Variants in SLC52A1 observed in about 807,000 individuals in gnomAD.
SLC52A1 encodes solute carrier family 52, riboflavin transporter, member 1.
Under a neutral mutation model 23.2 loss-of-function variants are expected in SLC52A1, and 20 were observed. That is an observed-to-expected ratio of 0.86 (90% confidence interval 0.61 to 1.25). The LOEUF (loss-of-function observed/expected upper bound fraction) is 1.25. Among genes scored for constraint, SLC52A1 ranks in the 50% most tolerant of loss-of-function variants. SLC52A1 has a pLI of 0.00. For missense variants in SLC52A1, 528 were observed against 557.0 expected, an observed-to-expected ratio of 0.95 and a Z score of 0.52; for synonymous variants, 260 against 256.6, an observed-to-expected ratio of 1.01 and a Z score of -0.13.
chr17:5,036,298 G>C (rs1367709592), upstream of SLC52A1, among the ~76,000 whole-genome samples: 1 of 149,848 alleles, frequency 6.7e-6, no homozygotes, highest in Non-Finnish European at 1.5e-5. Flanking sequence ...CCAAAGTGTT[G>C]GGGATTACAG....
upstream of SLC52A1, among the ~76,000 whole-genome samples, chr17:5,038,505 A>G (rs1292777636): frequency 6.6e-6 from 1 of 152,160 alleles, no homozygotes; most frequent in Non-Finnish European, 1.5e-5. Flanking sequence ...ATGGGGTCAC[A>G]TTTAGTTTCC....
Position 5,033,954 on chromosome 17 carries a change from C to T in SLC52A1, c.535G>A (p.Gly179Ser). The T allele has an allele frequency of 6.2e-7, 1 of 1,614,118 alleles. No homozygotes were observed. The highest frequency in any genetic ancestry group is 1.1e-5 in the South Asian group (1 of 91,086). The stretch of plus-strand genomic sequence containing the variant: ...AAGTCGAGGGGAGGCCCAGAGGTGC[C>T]ATTGGTGGGCGCTGGTGGGCACTCG... ...RLECPPAPTN[G>S]TSGPPLDFPE... Residue 179 changes from glycine to serine, a missense_variant, in exon 3 of 5, where the codon GGC becomes AGC. Coordinates refer to ENST00000254853, the MANE Select transcript of SLC52A1 (RefSeq NM_017986.4).
chr17:5,033,330 G>A lies in SLC52A1; in HGVS notation c.1065C>T (p.Tyr355=). The A allele has an allele frequency of 1.2e-6, 2 of 1,614,110 alleles. No homozygotes were observed. Among genetic ancestry groups the A allele is most frequent in the Non-Finnish European group, 1.7e-6 (2 of 1,180,012 alleles). Residue 355 remains tyrosine (Y), a synonymous_variant, in exon 4 of 5, where the codon TAC becomes TAT. Transcript: ENST00000254853. ...LSLLGMLFGA[Y]LMALAILSPC... ...GGCTCAGGATTGCCAGTGCCATCAG[G>A]TAGGCCCCAAAGAGCATGCCCAGCA... is the stretch of plus-strand genomic sequence containing the variant.
intron 1 of SLC52A1, among the ~76,000 whole-genome samples, chr17:5,041,852 T>C (rs1404263989): frequency 2.0e-5 from 3 of 152,142 alleles, no homozygotes; most frequent in Admixed American, 2.0e-4. Context: ...CCTCAAGTGA[T>C]CCACCTGCCT....
At chr17:5,036,734 T>G (rs529495413), upstream of SLC52A1, among the ~76,000 whole-genome samples, 1 of 152,230 alleles carries the variant, frequency 6.6e-6, no homozygotes, top group African/African-American at 2.4e-5. Flanking sequence ...TTTGTACTTG[T>G]TTACTCACTG....
upstream of SLC52A1, among the ~76,000 whole-genome samples, chr17:5,036,895 C>T (rs1378239515): frequency 6.6e-6 from 1 of 152,130 alleles, no homozygotes; most frequent in African/African-American, 2.4e-5. Context: ...TCACAGCTCA[C>T]TGCAGCCTCA....
upstream of SLC52A1, among the ~76,000 whole-genome samples, chr17:5,039,049 C>T (rs1164122998): frequency 0.028 from 3 of 108 alleles, no homozygotes; most frequent in South Asian, 0.17. Context: ...CAGCCGGGCG[C>T]GGTGGCCTCA....
At position 5,033,623 on chromosome 17, in the gene SLC52A1, G is replaced by A. The variant is rs1975375799; in HGVS notation, c.866C>T (p.Thr289Ile). Residue 289 changes from threonine to isoleucine, a missense_variant, in exon 3 of 5, where the codon ACC (threonine) becomes ATC (isoleucine). Transcript: ENST00000254853. Reference protein sequence around the residue: ...GAFLLGLMAFTSAVTNGVLPS... With the variant: ...GAFLLGLMAFISAVTNGVLPS... Reference sequence around the variant, plus strand: ...CAGCACGCCATTGGTCACGGCACTGGTGAAGGCCATCAGGCCCAGCAGGAA... The same window carrying A: ...CAGCACGCCATTGGTCACGGCACTGATGAAGGCCATCAGGCCCAGCAGGAA... 2 of 1,614,064 alleles carry A rather than the reference G, an allele frequency of 1.2e-6. No individual in the cohort carries two copies. The highest frequency in any genetic ancestry group is 1.7e-5 in the Admixed American group (1 of 60,030).
intron 1 of SLC52A1, among the ~76,000 whole-genome samples, chr17:5,040,599 C>T (rs1975530960): frequency 6.6e-6 from 1 of 152,062 alleles, no homozygotes; most frequent in African/African-American, 2.4e-5. Context: ...AAGGGATGGC[C>T]TTGGGGTCTG....
upstream of SLC52A1, among the ~76,000 whole-genome samples, chr17:5,038,555 A>T (rs1378844119): frequency 2.0e-5 from 3 of 152,052 alleles, no homozygotes; most frequent in Admixed American, 6.6e-5. Context: ...ATACTCCAAG[A>T]GGATGAGAAA....
At chr17:5,036,732 T>C (rs1358360259), upstream of SLC52A1, among the ~76,000 whole-genome samples, 1 of 152,118 alleles carries the variant, frequency 6.6e-6, no homozygotes, top group African/African-American at 2.4e-5. Context: ...ATTTTGTACT[T>C]GTTTACTCAC....
upstream of SLC52A1, among the ~76,000 whole-genome samples, chr17:5,038,886 C>T (rs892173245): frequency 6.6e-6 from 1 of 152,100 alleles, no homozygotes; most frequent in Non-Finnish European, 1.5e-5. Context: ...CCGCGCCTGG[C>T]CTATCCAACA....
In SLC52A1 at chr17:5,033,034, C is replaced by T. The variant is rs769783510; in HGVS notation, c.1270G>A (p.Gly424Ser). ...AIQVGSLLGA[G>S]AMFPPTSIYH... ...ATGCTGGTGGGAGGGAACATGGCAC[C>T]GGCACCAAGCAGGGAGCCCACTTGG... The change falls in exon 5 of 5, where the codon GGT becomes AGT. Residue 424 changes from glycine to serine, a missense_variant. Coordinates refer to ENST00000254853, the MANE Select transcript of SLC52A1 (RefSeq NM_017986.4). The T allele has an allele frequency of 2.4e-5, 38 of 1,613,580 alleles. No individual in the cohort carries two copies. The East Asian group carries it at 4.0e-4, about 17-fold the overall frequency.
At chr17:5,040,230 G>A (rs750266982), upstream of SLC52A1, among the ~76,000 whole-genome samples, 3 of 152,040 alleles carry the variant, frequency 2.0e-5, no homozygotes, top group Non-Finnish European at 4.4e-5. Flanking sequence ...CTGGAGTGCA[G>A]TGGTGTCATC....
upstream of SLC52A1, among the ~76,000 whole-genome samples, chr17:5,035,826 C>T (rs562146619): frequency 4.6e-3 from 697 of 151,730 alleles, 3 homozygotes; most frequent in Non-Finnish European, 8.2e-3. Flanking sequence ...CTCCCCACCC[C>T]CCCACAAGTA....
At chr17:5,037,924 T>C (rs905855305), upstream of SLC52A1, among the ~76,000 whole-genome samples, 2 of 145,124 alleles carry the variant, frequency 1.4e-5, no homozygotes, top group South Asian at 4.5e-4. Flanking sequence ...CTTTTTTTTT[T>C]TTTTTTTTTT....
chr17:5,034,375 A>C lies in SLC52A1; in HGVS notation c.131-17T>G. The C allele has an allele frequency of 6.3e-7, 1 of 1,586,672 alleles. No individual in the cohort carries two copies. The highest frequency in any genetic ancestry group is 8.6e-7 in the Non-Finnish European group (1 of 1,165,430). Reference sequence around the variant, plus strand: ...GGCTCCAACCTGCAGGGAAGGAATGATGCCATGTCAGGAGCACAGTGGCTA... The same window carrying C: ...GGCTCCAACCTGCAGGGAAGGAATGCTGCCATGTCAGGAGCACAGTGGCTA... On this transcript the variant is annotated splice_polypyrimidine_tract_variant and intron_variant, in intron 2 of 4. Transcript: ENST00000254853.
upstream of SLC52A1, among the ~76,000 whole-genome samples, chr17:5,039,791 A>G (rs1341409321): frequency 2.6e-5 from 4 of 152,298 alleles, no homozygotes; most frequent in East Asian, 1.9e-4. Context: ...CAATGTATAG[A>G]CAATAGTTCC....
chr17:5,041,892 G>A (rs1358109355), intron 1 of SLC52A1, among the ~76,000 whole-genome samples: 3 of 152,124 alleles, frequency 2.0e-5, no homozygotes, highest in South Asian at 4.1e-4. Context: ...GATTACAGGC[G>A]TGAGCCACCG....
Sources: allele counts gnomAD v4.1 joint callset (sites outside exome capture counted in the v4.1 genomes callset), GRCh38; gene constraint gnomAD v4.1.1; transcripts MANE v1.5; gene names NCBI Gene and HGNC (gene_info 2026-07-23, HGNC 2026-07-21).